GRIK4: variants seen among roughly 807,000 people sequenced by gnomAD.
The protein encoded by GRIK4 is glutamate ionotropic receptor kainate type subunit 4.
In GRIK4, 40 loss-of-function variants were observed where a neutral mutation model predicts 104.9. The observed-to-expected ratio is 0.38, with a 90% CI of 0.30 to 0.50. GRIK4 has a LOEUF of 0.50. Ranked by LOEUF, GRIK4 falls within the 20% of genes least tolerant of loss-of-function variation. The pLI is 0.93. For missense variants in GRIK4, 1,047 were observed against 1,308.1 expected, an observed-to-expected ratio of 0.80 and a Z score of 3.08; for synonymous variants, 485 against 524.9, an observed-to-expected ratio of 0.92 and a Z score of 1.04.
chr11:120,644,870 G>A (rs1392825573), intron 1 of GRIK4, among the ~76,000 whole-genome samples: 1 of 152,002 alleles, frequency 6.6e-6, no homozygotes, highest in African/African-American at 2.4e-5. Flanking sequence ...TTGTGCACAT[G>A]TACCCTAGAA....
intron 3 of GRIK4, among the ~76,000 whole-genome samples, chr11:120,687,613 T>C (rs1950296179): frequency 6.6e-6 from 1 of 152,186 alleles, no homozygotes; most frequent in African/African-American, 2.4e-5. Flanking sequence ...TATTGAATGC[T>C]CGACATTGTA....
At chr11:120,576,472 C>G (rs867240787) in intron 1 of GRIK4, 1 of 152,256 alleles carries the variant, frequency 6.6e-6, no homozygotes, top group Non-Finnish European at 1.5e-5. Flanking sequence ...ACTGGTGGGA[C>G]CTTTTGCTGG....
At chr11:120,957,626 T>TGTGTG in intron 16 of GRIK4, among the ~76,000 whole-genome samples, 1 of 62,338 alleles carries the variant, frequency 1.6e-5, no homozygotes, top group African/African-American at 5.8e-5. Context: ...TGTGTGTGTG[T>TGTGTG]AGCCTAGAGA....
intron 3 of GRIK4, among the ~76,000 whole-genome samples, chr11:120,711,867 G>C (rs1000877440): frequency 6.6e-6 from 1 of 152,224 alleles, no homozygotes; most frequent in Non-Finnish European, 1.5e-5. Flanking sequence ...GGTGGGTTCT[G>C]TACGGGATGA....
intron 1 of GRIK4, among the ~76,000 whole-genome samples, chr11:120,561,586 G>T (rs561829095): frequency 6.6e-6 from 1 of 152,360 alleles, no homozygotes; most frequent in East Asian, 1.9e-4. Flanking sequence ...CCATGAGAGG[G>T]TCTCATATAT....
At position 120,905,373 on chromosome 11, in the gene GRIK4, C is replaced by G. The variant is rs1299036290; in HGVS notation, c.1356C>G (p.Leu452=). ...ACGAGGGCTTCTGTGTGGACATGCT[C>G]AAGGAGCTGGCAGAGATCCTCCGAT... The part of the protein sequence containing the change: ...DRYEGFCVDM[L]KELAEILRFN... Residue 452 remains leucine, a synonymous_variant, in exon 13 of 21, where the codon CTC becomes CTG. Coordinates refer to ENST00000527524, the MANE Select transcript of GRIK4 (RefSeq NM_014619.5). The surrounding 1 kb of genome is among the most constrained non-coding windows in gnomAD (Gnocchi z 5.1). The G allele has an allele frequency of 4.3e-6, 7 of 1,613,830 alleles. No individual in the cohort carries two copies. The African/African-American group carries it at 9.3e-5, about 22-fold the overall frequency.
chr11:120,740,502 T>G (rs1211472803), intron 3 of GRIK4, among the ~76,000 whole-genome samples: 1 of 152,206 alleles, frequency 6.6e-6, no homozygotes, highest in Non-Finnish European at 1.5e-5. Flanking sequence ...GCTGGGACTC[T>G]GAGCATCATG....
intron 1 of GRIK4, among the ~76,000 whole-genome samples, chr11:120,602,970 T>G (rs905997314): frequency 5.9e-5 from 9 of 152,234 alleles, no homozygotes; most frequent in African/African-American, 2.2e-4. Context: ...CCCAAAGTGT[T>G]GGGATTACAG....
At chr11:120,535,160 C>A (rs901317562) in intron 1 of GRIK4, among the ~76,000 whole-genome samples, 4 of 152,092 alleles carry the variant, frequency 2.6e-5, no homozygotes, top group African/African-American at 9.7e-5. Flanking sequence ...GTGTGTACGG[C>A]CCACTCTTGT....
At chr11:120,629,358 G>A (rs1354653082) in intron 1 of GRIK4, among the ~76,000 whole-genome samples, 1 of 152,028 alleles carries the variant, frequency 6.6e-6, no homozygotes, top group Non-Finnish European at 1.5e-5. Context: ...GTTGTTTGAG[G>A]GTTAAATGAA....
At chr11:120,867,169 G>A (rs774147796) in intron 9 of GRIK4, among the ~76,000 whole-genome samples, 1 of 152,018 alleles carries the variant, frequency 6.6e-6, no homozygotes, top group Non-Finnish European at 1.5e-5. Context: ...TCACCTCAGC[G>A]TGTGGAAAGG....
At position 120,555,543 on chromosome 11, in the gene GRIK4, A is replaced by C. The variant is rs1948178460; in HGVS notation, c.-159+43656A>C. ...TGGGGCTGAGGCTGCCACCAGATGC[A>C]CACAGCGGTCGTCTTCTCCCTCACG... is the stretch of plus-strand genomic sequence containing the variant. On this transcript the variant is annotated intron_variant, in intron 1 of 20. Coordinates refer to ENST00000527524, the MANE Select transcript of GRIK4 (RefSeq NM_014619.5). The surrounding 1 kb of genome is among the most constrained non-coding windows in gnomAD (Gnocchi z 5.3). Among the ~76,000 whole-genome samples the C allele has an allele frequency of 2.0e-5, 3 of 152,200 alleles. No individual in the cohort carries two copies. Among genetic ancestry groups the C allele is most frequent in the Non-Finnish European group, 4.4e-5 (3 of 68,036 alleles).
At chr11:120,792,292 G>T (rs1038156103) in intron 3 of GRIK4, among the ~76,000 whole-genome samples, 13 of 151,678 alleles carry the variant, frequency 8.6e-5, no homozygotes, top group African/African-American at 3.2e-4. Context: ...GTAGTTCACT[G>T]CTTCTAGAAG....
intron 3 of GRIK4, among the ~76,000 whole-genome samples, chr11:120,662,258 T>G (rs1037063851): frequency 6.6e-6 from 1 of 152,224 alleles, no homozygotes; most frequent in South Asian, 2.1e-4. Flanking sequence ...CTGTCAAGAC[T>G]GCTGGCCCTC....
At chr11:120,938,145 C>T (rs1360510544) in intron 13 of GRIK4, among the ~76,000 whole-genome samples, 4 of 152,272 alleles carry the variant, frequency 2.6e-5, no homozygotes, top group Non-Finnish European at 5.9e-5. Flanking sequence ...TGGTTCATTT[C>T]TGTTACCTGA....
At chr11:120,561,301 C>T (rs978176036) in intron 1 of GRIK4, among the ~76,000 whole-genome samples, 6 of 152,098 alleles carry the variant, frequency 3.9e-5, no homozygotes, top group Admixed American at 2.0e-4. Context: ...TTTGATGGAG[C>T]GCTTCTCCCT....
intron 2 of GRIK4, among the ~76,000 whole-genome samples, chr11:120,658,427 C>G (rs1240536916): frequency 6.6e-6 from 1 of 152,070 alleles, no homozygotes; most frequent in Non-Finnish European, 1.5e-5. Context: ...GGTCATTAGG[C>G]TAGATGTAAA....
At chr11:120,762,262 G>A (rs1478697530) in intron 3 of GRIK4, among the ~76,000 whole-genome samples, 1 of 152,138 alleles carries the variant, frequency 6.6e-6, no homozygotes, top group Admixed American at 6.6e-5. Context: ...TGGTGTATAG[G>A]AATGCCTGTG....
intron 1 of GRIK4, among the ~76,000 whole-genome samples, chr11:120,602,569 G>A (rs980446046): frequency 1.3e-5 from 2 of 152,228 alleles, no homozygotes; most frequent in East Asian, 1.9e-4. Context: ...AAAAGAGCAT[G>A]CTCCAGTGTT....
Sources: allele counts gnomAD v4.1 joint callset (sites outside exome capture counted in the v4.1 genomes callset), GRCh38; gene constraint gnomAD v4.1.1; non-coding constraint Gnocchi (gnomAD v3.1); transcripts MANE v1.5; gene names NCBI Gene and HGNC (gene_info 2026-07-23, HGNC 2026-07-21).